PPP2R3A: variants seen among roughly 807,000 people sequenced by gnomAD.
PPP2R3A encodes the protein serine/threonine-protein phosphatase 2A regulatory subunit B'' subunit alpha.
A neutral mutation model predicts 106.9 loss-of-function variants in PPP2R3A; 80 were observed. That is an observed-to-expected ratio of 0.75 (90% CI 0.62 to 0.90). PPP2R3A has a LOEUF of 0.90. Ranked by LOEUF, PPP2R3A falls within the 40% of genes least tolerant of loss-of-function variation. The pLI, the probability that PPP2R3A is intolerant of heterozygous loss-of-function variation, is 0.00. For synonymous variants in PPP2R3A, 483 were observed against 468.3 expected (o/e 1.03, Z -0.41); for missense variants, 1,386 against 1,350.4 (o/e 1.03, Z -0.41).
intron 5 of PPP2R3A, among the ~76,000 whole-genome samples, chr3:136,058,553 A>G (rs998175718): frequency 3.9e-5 from 6 of 152,264 alleles, no homozygotes; most frequent in Non-Finnish European, 5.9e-5. Flanking sequence ...GCTCATGGGT[A>G]GCAAGAATTA....
At chr3:136,064,910 C>T (rs892759613) in intron 5 of PPP2R3A, among the ~76,000 whole-genome samples, 8 of 151,982 alleles carry the variant, frequency 5.3e-5, no homozygotes, top group Non-Finnish European at 8.8e-5. Flanking sequence ...CATCTAAAAT[C>T]ACTGTGTGGA....
chr3:135,967,092 T>C (rs1937111600), intron 1 of PPP2R3A, among the ~76,000 whole-genome samples: 1 of 152,228 alleles, frequency 6.6e-6, no homozygotes, highest in African/African-American at 2.4e-5. Flanking sequence ...ACTGCTAATT[T>C]ACACACACAA....
chr3:136,023,254 T>C, intron 2 of PPP2R3A: 1 of 1,452,452 alleles, frequency 6.9e-7, no homozygotes, highest in African/African-American at 1.5e-5. Context: ...TTTGAAAATA[T>C]TTTTATTACT....
intron 1 of PPP2R3A, among the ~76,000 whole-genome samples, chr3:135,987,162 C>G (rs1932958912): frequency 6.6e-6 from 1 of 152,106 alleles, no homozygotes; most frequent in Non-Finnish European, 1.5e-5. Flanking sequence ...TCTGAAGGAT[C>G]TAAGAGTTTA....
At chr3:136,067,912 C>T (rs1429673142) in intron 5 of PPP2R3A, among the ~76,000 whole-genome samples, 2 of 152,124 alleles carry the variant, frequency 1.3e-5, no homozygotes, top group African/African-American at 4.8e-5. Context: ...ATATGAAAGT[C>T]CCCATAAAAA....
At chr3:136,141,851 G>C (rs1003792077) in intron 13 of PPP2R3A, among the ~76,000 whole-genome samples, 1 of 152,200 alleles carries the variant, frequency 6.6e-6, no homozygotes, top group African/African-American at 2.4e-5. Flanking sequence ...GAAGAGGCAG[G>C]GTTGTATCCA....
intron 1 of PPP2R3A, among the ~76,000 whole-genome samples, chr3:135,977,966 G>T (rs1377746547): frequency 6.6e-6 from 1 of 151,882 alleles, no homozygotes; most frequent in Non-Finnish European, 1.5e-5. Context: ...CTCCCAAAGT[G>T]CCAGGATTAC....
Position 136,002,522 on chromosome 3 carries a change from G to T in PPP2R3A, c.1024G>T (p.Ala342Ser). The T allele has an allele frequency of 6.2e-7, 1 of 1,614,076 alleles. No homozygotes were observed. Among genetic ancestry groups the T allele is most frequent in the Non-Finnish European group, 8.5e-7 (1 of 1,179,948 alleles). ...PKYEDVVQLS[A>S]SDSGRFQTIE... ...ATATGAAGATGTTGTCCAGCTCTCA[G>T]CTTCTGACTCTGGACGATTTCAAAC... The change falls in exon 2 of 14, where the codon GCT becomes TCT. Residue 342 changes from alanine (A) to serine (S), a missense_variant. Transcript: ENST00000264977.
intron 1 of PPP2R3A, among the ~76,000 whole-genome samples, chr3:135,991,717 G>C (rs1322183995): frequency 6.6e-6 from 1 of 152,170 alleles, no homozygotes; most frequent in Admixed American, 6.5e-5. Context: ...CTGAAGAAAA[G>C]ATAAAATCCC....
intron 13 of PPP2R3A, among the ~76,000 whole-genome samples, chr3:136,123,607 C>T: frequency 6.6e-6 from 1 of 152,090 alleles, no homozygotes. Flanking sequence ...ATAGTAAGAA[C>T]ATAAATATTG....
chr3:136,029,055 G>A (rs987950372), intron 3 of PPP2R3A, among the ~76,000 whole-genome samples: 26 of 152,166 alleles, frequency 1.7e-4, no homozygotes, highest in African/African-American at 6.0e-4. Flanking sequence ...GTTTCTCCAT[G>A]TTGGTCAGGC....
At chr3:136,079,197 CA>C (rs767817719) in intron 7 of PPP2R3A, 99 of 454,916 alleles carry the variant, frequency 2.2e-4, no homozygotes, top group Admixed American at 1.3e-3. Context: ...GATATACAAA[CA>C]TTTTTTTATT....
chr3:136,079,192 A>G (rs1418741465), intron 7 of PPP2R3A: 1 of 455,406 alleles, frequency 2.2e-6, no homozygotes, highest in Non-Finnish European at 4.4e-6. Context: ...TGATGGATAT[A>G]CAAACATTTT....
At chr3:136,048,390 AG>A (rs1251153966) in intron 4 of PPP2R3A, among the ~76,000 whole-genome samples, 1 of 152,172 alleles carries the variant, frequency 6.6e-6, no homozygotes, top group Non-Finnish European at 1.5e-5. Context: ...CTAGGACTTT[AG>A]GCCAGGCGCC....
intron 2 of PPP2R3A, among the ~76,000 whole-genome samples, chr3:136,021,124 G>C (rs993187570): frequency 2.6e-5 from 4 of 152,056 alleles, no homozygotes; most frequent in Non-Finnish European, 4.4e-5. Context: ...GCATTAAATT[G>C]TAAGTCTAAA....
At position 136,040,916 on chromosome 3, in the gene PPP2R3A, A is replaced by T. The variant is rs759834711; in HGVS notation, c.2320A>T (p.Lys774Ter). ...CATGTTCAGGGCTGCAGGGGGAGAG[A>T]AGACAGGATTTGTGACAGCACAGTC... ...APMFRAAGGE[K>*]TGFVTAQSFI... The change falls in exon 4 of 14, where the codon AAG becomes TAG. Residue 774 changes from lysine (K) to a stop codon, truncating the protein, a stop_gained. Coordinates refer to ENST00000264977, the MANE Select transcript of PPP2R3A (RefSeq NM_002718.5). LOFTEE classifies it high-confidence loss of function. 4.3e-6 allele frequency: 7 copies of T among 1,613,650 alleles called. No homozygotes were observed. The highest frequency in any genetic ancestry group is 5.9e-6 in the Non-Finnish European group (7 of 1,179,824).
intron 13 of PPP2R3A, among the ~76,000 whole-genome samples, chr3:136,113,293 T>G (rs572038295): frequency 5.3e-5 from 8 of 152,056 alleles, no homozygotes; most frequent in African/African-American, 1.9e-4. Flanking sequence ...GGAACAAGAT[T>G]ATATGGAACA....
chr3:136,034,304 G>T (rs1409044208), intron 3 of PPP2R3A, among the ~76,000 whole-genome samples: 1 of 152,124 alleles, frequency 6.6e-6, no homozygotes, highest in Non-Finnish European at 1.5e-5. Flanking sequence ...CAAAGTGCTG[G>T]GATGATGGGC....
chr3:136,033,750 T>C (rs866196520), intron 3 of PPP2R3A, among the ~76,000 whole-genome samples: 1 of 152,210 alleles, frequency 6.6e-6, no homozygotes, highest in Non-Finnish European at 1.5e-5. Flanking sequence ...TTGTTTCTTA[T>C]TGAGCTTATT....
Sources: allele counts gnomAD v4.1 joint callset (sites outside exome capture counted in the v4.1 genomes callset), GRCh38; gene constraint gnomAD v4.1.1; transcripts MANE v1.5; gene names NCBI Gene and HGNC (gene_info 2026-07-23, HGNC 2026-07-21).